The following ADAMTS12 variants were observed in gnomAD, a reference collection of about 807,000 sequenced individuals.
ADAMTS12 encodes the protein A disintegrin and metalloproteinase with thrombospondin motifs 12.
Under a neutral mutation model 167.8 loss-of-function variants are expected in ADAMTS12, and 118 were observed. The observed-to-expected ratio is 0.70, with a 90% CI of 0.61 to 0.82. The LOEUF (loss-of-function observed/expected upper bound fraction) is 0.82, where lower values mean the gene tolerates loss of function less well. Among genes scored for constraint, ADAMTS12 ranks in the 40% least tolerant of loss-of-function variants. The pLI is 0.00. For missense variants in ADAMTS12, 1,916 were observed against 1,998.8 expected, an observed-to-expected ratio of 0.96 and a Z score of 0.79; for synonymous variants, 704 against 716.9, an observed-to-expected ratio of 0.98 and a Z score of 0.29.
At chr5:33,665,195 A>G (rs1272578396) in intron 5 of ADAMTS12, among the ~76,000 whole-genome samples, 1 of 152,182 alleles carries the variant, frequency 6.6e-6, no homozygotes, top group Non-Finnish European at 1.5e-5. Context: ...CTTATGTGGA[A>G]TCTATAAAAG....
At chr5:33,867,878 T>C (rs137983587) in intron 2 of ADAMTS12, among the ~76,000 whole-genome samples, 1 of 152,274 alleles carries the variant, frequency 6.6e-6, no homozygotes, top group African/African-American at 2.4e-5. Flanking sequence ...TAATCCCCAG[T>C]GTTGGAGGAG....
chr5:33,879,160 G>A (rs547504727), intron 2 of ADAMTS12, among the ~76,000 whole-genome samples: 12 of 152,194 alleles, frequency 7.9e-5, no homozygotes, highest in South Asian at 2.1e-4. Flanking sequence ...TGGGTTAACC[G>A]TATATATGTG....
intron 2 of ADAMTS12, among the ~76,000 whole-genome samples, chr5:33,766,036 T>C (rs1284224993): frequency 6.6e-6 from 1 of 152,174 alleles, no homozygotes; most frequent in Non-Finnish European, 1.5e-5. Flanking sequence ...TAAGTCTACA[T>C]CTGAAGATAT....
At chr5:33,789,614 C>A (rs1481113000) in intron 2 of ADAMTS12, among the ~76,000 whole-genome samples, 1 of 152,156 alleles carries the variant, frequency 6.6e-6, no homozygotes, top group Non-Finnish European at 1.5e-5. Flanking sequence ...GCAGTCCCAG[C>A]AGGTTTAAAA....
chr5:33,644,296 A>G (rs1468904231), intron 9 of ADAMTS12, among the ~76,000 whole-genome samples: 15 of 152,140 alleles, frequency 9.9e-5, no homozygotes, highest in Admixed American at 9.8e-4. Flanking sequence ...CCTCACTTTC[A>G]TATTCCTCAT....
At chr5:33,707,524 G>C (rs1177098159) in intron 3 of ADAMTS12, among the ~76,000 whole-genome samples, 1 of 152,128 alleles carries the variant, frequency 6.6e-6, no homozygotes, top group African/African-American at 2.4e-5. Flanking sequence ...AACAAAGCTG[G>C]AGGCATCATG....
At chr5:33,678,973 A>G (rs540342012) in intron 5 of ADAMTS12, among the ~76,000 whole-genome samples, 41 of 152,300 alleles carry the variant, frequency 2.7e-4, no homozygotes, top group Admixed American at 1.8e-3. Context: ...TGGGAGGGAG[A>G]GAAGGAGGTA....
intron 16 of ADAMTS12, among the ~76,000 whole-genome samples, chr5:33,604,520 A>AG (rs1160529918): frequency 6.6e-6 from 1 of 150,994 alleles, no homozygotes; most frequent in Non-Finnish European, 1.5e-5. Context: ...AAAAAAAGAA[A>AG]AGAAAAGAAA....
At chr5:33,796,072 C>T (rs1746764736) in intron 2 of ADAMTS12, among the ~76,000 whole-genome samples, 4 of 152,222 alleles carry the variant, frequency 2.6e-5, no homozygotes. Context: ...TTGTTTGTAA[C>T]ATCTAAGTCT....
intron 14 of ADAMTS12, 89 bp from the exon 15 acceptor site, chr5:33,616,161 C>T (rs1739002617): frequency 1.3e-6 from 2 of 1,515,824 alleles, no homozygotes; most frequent in Admixed American, 4.0e-5. Context: ...ATCCTCTTTC[C>T]AGCCTCCCCA....
chr5:33,630,821 C>G lies in ADAMTS12; in HGVS notation c.1981G>C (p.Gly661Arg). ...AVIDGTPCFE[G>R]GNSRNVCING... ...ATACAGACATTTCTGCTGTTGCCGC[C>G]TTCAAAGCAAGGGGTACCATCAATG... The change falls in exon 13 of 24, where the codon GGC (glycine) becomes CGC (arginine). Residue 661 changes from glycine (G) to arginine (R), a missense_variant. Coordinates refer to ENST00000504830, the MANE Select transcript of ADAMTS12 (RefSeq NM_030955.4). 3 of 1,613,674 alleles carry G rather than the reference C, an allele frequency of 1.9e-6. No homozygotes were observed. Among genetic ancestry groups the G allele is most frequent in the Non-Finnish European group, 2.5e-6 (3 of 1,179,692 alleles).
chr5:33,741,528 T>A (rs948429202), intron 3 of ADAMTS12, among the ~76,000 whole-genome samples: 2 of 152,198 alleles, frequency 1.3e-5, no homozygotes, highest in African/African-American at 4.8e-5. Flanking sequence ...GGCTTCAACA[T>A]ACGGATTTTG....
chr5:33,778,966 C>T (rs899449912), intron 2 of ADAMTS12, among the ~76,000 whole-genome samples: 5 of 151,982 alleles, frequency 3.3e-5, no homozygotes, highest in African/African-American at 1.2e-4. Context: ...CCATCTCATA[C>T]CTGTTAGAAT....
At position 33,658,188 on chromosome 5, in the gene ADAMTS12, G is replaced by A. The variant is rs1741128271; in HGVS notation, c.1186C>T (p.His396Tyr). The A allele has an allele frequency of 1.9e-6, 3 of 1,613,412 alleles. No individual in the cohort carries two copies. The highest frequency in any genetic ancestry group is 2.5e-6 in the Non-Finnish European group (3 of 1,179,540). The change falls in exon 7 of 24, where the codon CAC becomes TAC. Residue 396 changes from histidine to tyrosine, a missense_variant. Coordinates refer to ENST00000504830, the MANE Select transcript of ADAMTS12 (RefSeq NM_030955.4). ...TCCCTATCATTGGCCCTTTACCTGT[G>A]TCCTAGCTCATGGGCAATTGTGAAA... ...LAFTIAHELGHSFGIQHDGKE... is the reference protein window; with the variant it reads ...LAFTIAHELGYSFGIQHDGKE...
rs1275352222 is a variant in ADAMTS12, at chr5:33,891,942, A to G, written c.-86T>C. On this transcript the variant is annotated 5_prime_UTR_variant, in exon 1 of 24. Transcript: ENST00000504830. The stretch of plus-strand genomic sequence containing the variant: ...AGCGCTCGCCTGTGGCCCAGCAGGA[A>G]GATGCAGGGGTGCATGGTCAGGCGC... 10 of 1,537,618 alleles carry G rather than the reference A, an allele frequency of 6.5e-6. No homozygotes were observed. The highest frequency in any genetic ancestry group is 8.8e-6 in the Non-Finnish European group (10 of 1,138,108).
At position 33,816,975 on chromosome 5, in the gene ADAMTS12, C is replaced by T. The variant is rs139084311; in HGVS notation, c.489+64144G>A. 7.1e-3 allele frequency among the ~76,000 whole-genome samples: 1,078 copies of T among 152,226 alleles called. 57 individuals are homozygous for T. Among genetic ancestry groups the T allele is most frequent in the Admixed American group, 0.066 (1,008 of 15,278 alleles). On this transcript the variant is annotated intron_variant, in intron 2 of 23. Transcript: ENST00000504830. ...TTTCCCTCAGTAAGTGTGTAGTTTA[C>T]GGTGCTTCCTCTCCAGGGTGCAGGG...
chr5:33,560,607 G>T (rs1002144122), intron 20 of ADAMTS12, among the ~76,000 whole-genome samples: 26 of 151,940 alleles, frequency 1.7e-4, no homozygotes, highest in African/African-American at 4.4e-4. Flanking sequence ...AATGATAAGT[G>T]CATGTCCTTT....
At chr5:33,833,284 T>C (rs1748376765) in intron 2 of ADAMTS12, among the ~76,000 whole-genome samples, 1 of 152,218 alleles carries the variant, frequency 6.6e-6, no homozygotes, top group South Asian at 2.1e-4. Flanking sequence ...TTGGCCTCAT[T>C]GGACTTAAGC....
At chr5:33,603,026 T>C (rs548590354) in intron 16 of ADAMTS12, among the ~76,000 whole-genome samples, 1 of 152,238 alleles carries the variant, frequency 6.6e-6, no homozygotes, top group African/African-American at 2.4e-5. Flanking sequence ...AAGCCCAGGG[T>C]AGGGCAGAAG....
Sources: allele counts gnomAD v4.1 joint callset (sites outside exome capture counted in the v4.1 genomes callset), GRCh38; gene constraint gnomAD v4.1.1; transcripts MANE v1.5; gene names NCBI Gene and HGNC (gene_info 2026-07-23, HGNC 2026-07-21).